APOBEC1: variants seen among roughly 807,000 people sequenced by gnomAD.
The protein encoded by APOBEC1 is apolipoprotein B mRNA editing enzyme catalytic subunit 1, also known as C->U-editing enzyme APOBEC-1.
APOBEC1 carries 22 observed loss-of-function variants against 26.3 expected under a neutral mutation model. The observed-to-expected ratio is 0.84, with a 90% CI of 0.60 to 1.19. APOBEC1 has a LOEUF of 1.19. Ranked by LOEUF, APOBEC1 falls within the 50% of genes most tolerant of loss-of-function variation. APOBEC1 has a pLI of 0.00. For synonymous variants in APOBEC1, 77 were observed against 95.3 expected (o/e 0.81, Z 1.12); for missense variants, 253 against 289.0 (o/e 0.88, Z 0.90).
chr12:7,650,941 A>T (rs1863628542), intron 4 of APOBEC1, 82 bp downstream of exon 4: 18 of 960,162 alleles, frequency 1.9e-5, no homozygotes, highest in Non-Finnish European at 2.9e-5. Context: ...AAAAGAAGAT[A>T]TGAGTCAAAT....
At chr12:7,669,902 C>T (rs1863932497), upstream of APOBEC1, among the ~76,000 whole-genome samples, 1 of 151,986 alleles carries the variant, frequency 6.6e-6, no homozygotes, top group African/African-American at 2.4e-5. Flanking sequence ...CAATGAACAT[C>T]TTTTCATGTA....
At chr12:7,653,841 CT>C (rs1258128928) in intron 2 of APOBEC1, among the ~76,000 whole-genome samples, 3 of 152,196 alleles carry the variant, frequency 2.0e-5, no homozygotes, top group Non-Finnish European at 2.9e-5. Context: ...AGAAATTCTA[CT>C]TGCTCTCAGT....
chr12:7,649,617 T>C lies in APOBEC1; in HGVS notation c.641A>G (p.His214Arg). The part of the protein sequence containing the change: ...TFFRLHLQNC[H>R]YQTIPPHILL... The stretch of plus-strand genomic sequence containing the variant: ...GATGTGTGGCGGAATCGTTTGGTAA[T>C]GGCAGTTTTGAAGATGAAGTCTGAA... The change falls in exon 5 of 5, where the codon CAT becomes CGT. Residue 214 changes from histidine to arginine, a missense_variant. By Grantham distance (29) the His-to-Arg change is conservative (BLOSUM62 0). Coordinates refer to ENST00000229304, the MANE Select transcript of APOBEC1 (RefSeq NM_001644.5). 2 of 1,614,130 alleles carry C rather than the reference T, an allele frequency of 1.2e-6. No homozygotes were observed. The highest frequency in any genetic ancestry group is 1.7e-6 in the Non-Finnish European group (2 of 1,179,994).
At chr12:7,660,355 G>GGAAGGAAT in intron 1 of APOBEC1, among the ~76,000 whole-genome samples, 1 of 11,968 alleles carries the variant, frequency 8.4e-5, no homozygotes, top group Non-Finnish European at 5.9e-4. Flanking sequence ...AAGGAAGGAA[G>GGAAGGAAT]GAAGGAAGGA....
At chr12:7,653,495 T>TCC (rs1863675652) in intron 2 of APOBEC1, among the ~76,000 whole-genome samples, 2 of 149,104 alleles carry the variant, frequency 1.3e-5, no homozygotes, top group African/African-American at 4.9e-5. Context: ...AACCCTTTTT[T>TCC]TTTTTTTTTT....
intron 1 of APOBEC1, among the ~76,000 whole-genome samples, chr12:7,661,285 G>A (rs1196615078): frequency 1.3e-5 from 2 of 151,270 alleles, no homozygotes; most frequent in Non-Finnish European, 2.9e-5. Flanking sequence ...AGGGGAAAGA[G>A]CTGAAAAACT....
chr12:7,649,432 A>T lies in APOBEC1; in HGVS notation c.*115T>A. 1 of 1,136,278 alleles carries T rather than the reference A, an allele frequency of 8.8e-7. No individual in the cohort carries two copies. The highest frequency in any genetic ancestry group is 1.3e-6 in the Non-Finnish European group (1 of 793,938). 70.4% of individuals were successfully genotyped at this position (1,136,278 alleles called of 1,614,324 possible). On this transcript the variant is annotated 3_prime_UTR_variant, in exon 5 of 5. Transcript: ENST00000229304. Reference sequence around the variant, plus strand: ...GGTAATACATATTTATTGTTGGTTTAAGCTACAGAGTTTTGGGGTACCTTG... The same window carrying T: ...GGTAATACATATTTATTGTTGGTTTTAGCTACAGAGTTTTGGGGTACCTTG...
At position 7,654,511 on chromosome 12, in the gene APOBEC1, G is replaced by A. The variant is rs1379984549; in HGVS notation, c.44+94C>T. 9.1e-6 allele frequency: 12 copies of A among 1,315,642 alleles called. 1 individual carries two copies. The African/African-American group carries it at 1.6e-4, about 17-fold the overall frequency. 81.5% of individuals were successfully genotyped at this position (1,315,642 alleles called of 1,614,324 possible). A position where few individuals can be genotyped will look rare whatever the true frequency, so the allele number is the denominator to read the frequency against. On this transcript the variant is annotated intron_variant, in intron 2 of 4. Coordinates refer to ENST00000229304, the MANE Select transcript of APOBEC1 (RefSeq NM_001644.5). ...TCCTGCCTCAGCCTCCTGAGTAGCT[G>A]GGATTATAGGCGCATGTGCCACCAT...
chr12:7,652,990 T>C (rs1390575408), intron 2 of APOBEC1, among the ~76,000 whole-genome samples, 155 bp from the exon 3 acceptor site: 5 of 151,988 alleles, frequency 3.3e-5, no homozygotes, highest in African/African-American at 1.2e-4. Context: ...AGTGCAGTGG[T>C]GCAATCTCAG....
intron 2 of APOBEC1, 105 bp from the exon 3 acceptor site, chr12:7,652,940 A>T (rs1592057654): frequency 5.5e-6 from 5 of 908,726 alleles, no homozygotes; most frequent in South Asian, 4.5e-5. Context: ...ATTTTATTTT[A>T]TTTTTTTAAG....
intron 1 of APOBEC1, among the ~76,000 whole-genome samples, chr12:7,660,506 G>C (rs189887889): frequency 6.6e-6 from 1 of 150,712 alleles, no homozygotes; most frequent in Non-Finnish European, 1.5e-5. Flanking sequence ...TCAGGAGTTC[G>C]AGACCAGCCT....
At chr12:7,657,591 G>A (rs1181936834) in intron 1 of APOBEC1, among the ~76,000 whole-genome samples, 1 of 140,416 alleles carries the variant, frequency 7.1e-6, no homozygotes, top group East Asian at 2.0e-4. Context: ...AAACAAACCA[G>A]GCTGTAGGCA....
At chr12:7,665,463 A>G (rs1863879573) in intron 1 of APOBEC1, among the ~76,000 whole-genome samples, 1 of 151,608 alleles carries the variant, frequency 6.6e-6, no homozygotes, top group Non-Finnish European at 1.5e-5. Context: ...ATGCCTGGCT[A>G]ATTTTTGTAT....
intron 1 of APOBEC1, among the ~76,000 whole-genome samples, chr12:7,662,534 G>T (rs990250562): frequency 6.6e-6 from 1 of 151,152 alleles, no homozygotes; most frequent in Admixed American, 6.6e-5. Context: ...AGTAAGCCAA[G>T]ATCACACCAT....
chr12:7,659,925 A>C (rs1376665726), intron 1 of APOBEC1, among the ~76,000 whole-genome samples: 1 of 151,524 alleles, frequency 6.6e-6, no homozygotes, highest in Non-Finnish European at 1.5e-5. Flanking sequence ...GCCGAGATCA[A>C]GCCACTGCAC....
rs756648758 is a variant in APOBEC1 at position 7,660,334 on chromosome 12, G to GGGAA, written c.16+5519_16+5522dup. 6.2e-3 allele frequency among the ~76,000 whole-genome samples: 221 copies of GGGAA among 35,744 alleles called. 8 individuals are homozygous for GGGAA. The highest frequency in any genetic ancestry group is 0.023 in the Middle Eastern group (1 of 44). 23.4% of individuals were successfully genotyped at this position (35,744 alleles called of 152,430 possible). A position where few individuals can be genotyped will look rare whatever the true frequency, so the allele number is the denominator to read the frequency against. On this transcript the variant is annotated intron_variant, in intron 1 of 4. Transcript: ENST00000229304. ...AGAAAGGAAGGAAGGAAGGAAGGAA[G>GGGAA]GGAAGGAAGGAAGGAAGGAAGGAAG... is the stretch of plus-strand genomic sequence containing the variant.
At chr12:7,660,334 G>GGAAGGAAGGAAGGAAGGAA (rs1555094860) in intron 1 of APOBEC1, among the ~76,000 whole-genome samples, 2 of 35,710 alleles carry the variant, frequency 5.6e-5, no homozygotes, top group Non-Finnish European at 1.4e-4. Flanking sequence ...AAGGAAGGAA[G>GGAAGGAAGGAAGGAAGGAA]GGAAGGAAGG....
chr12:7,666,128 A>G (rs1010776726), upstream of APOBEC1, among the ~76,000 whole-genome samples: 12 of 152,196 alleles, frequency 7.9e-5, no homozygotes, highest in Non-Finnish European at 1.3e-4. Flanking sequence ...AGGGTGGATC[A>G]CTGGGTACCA....
rs60124402 is a variant in APOBEC1, at chr12:7,665,752, GACACACACACACACACACACACACAC to G, written c.16+79_16+104del. 1,352 of 775,698 alleles carry G rather than the reference GACACACACACACACACACACACACAC, an allele frequency of 1.7e-3. 5 individuals are homozygous for G. The highest frequency in any genetic ancestry group is 6.0e-3 in the African/African-American group (301 of 49,920). 48.1% of individuals were successfully genotyped at this position (775,698 alleles called of 1,614,324 possible). On this transcript the variant is annotated intron_variant, in intron 1 of 4. Transcript: ENST00000229304. ...CACCCACAGATGCAAGAATCAGCAG[GACACACACACACACACACACACACAC>G]ACACACACACACACACACACACACA... is the stretch of plus-strand genomic sequence containing the variant.
Sources: gnomAD v4.1 joint callset for allele counts (sites outside exome capture counted in the v4.1 genomes callset) on GRCh38, gnomAD v4.1.1 for gene constraint, MANE v1.5 for transcripts, NCBI Gene and HGNC (gene_info 2026-07-23, HGNC 2026-07-21) for gene names.